Variants in ZNF711 observed in about 807,000 individuals in gnomAD.
ZNF711 encodes the protein ZFX family zinc finger ZNF711, also known as zinc finger protein 711.
ZNF711 carries 3 observed loss-of-function variants against 43.5 expected under a neutral mutation model. That is an observed-to-expected ratio of 0.07 (90% CI 0.03 to 0.18). The LOEUF (loss-of-function observed/expected upper bound fraction) is 0.18, where lower values mean the gene tolerates loss of function less well. ZNF711 is among the 10% of genes least tolerant of loss of function. The pLI is 1.00. For synonymous variants in ZNF711, 209 were observed against 207.7 expected, an observed-to-expected ratio of 1.01 and a Z score of -0.06; for missense variants, 412 against 604.0, an observed-to-expected ratio of 0.68 and a Z score of 3.33.
At chrX:85,248,209 C>A (rs1162582839) in intron 4 of ZNF711, among the ~76,000 whole-genome samples, 1 of 106,213 alleles carries the variant, frequency 9.4e-6, no homozygotes, top group Non-Finnish European at 1.9e-5. Flanking sequence ...GTGGCTCATG[C>A]CTGTAATCCC....
chrX:85,271,888 C>T lies in ZNF711; in HGVS notation c.*60C>T. 1 of 932,748 alleles carries T rather than the reference C, an allele frequency of 1.1e-6. No homozygotes were observed. The allele number at this position is 932,748 out of a possible 1,213,427, so 76.9% of individuals were successfully genotyped here. Reference sequence around the variant, plus strand: ...ATATGATATGCTACTTGGGAGAAAACTCTCACTAACTGTCTCACCGGGTTT... The same window carrying T: ...ATATGATATGCTACTTGGGAGAAAATTCTCACTAACTGTCTCACCGGGTTT... On this transcript the variant is annotated 3_prime_UTR_variant, in exon 11 of 11. Transcript: ENST00000674551.
Position 85,267,331 on chromosome X carries a change from GA to G in ZNF711, c.972del (p.Gly325GlufsTer51). ...CATGGAAGTCATTGTAGGGGAAGAG[GA>G]AGGAACTTCTCTCCCTGAGATTCAG... ...VYMEVIVGEE[E>X]GTSLPEIQLE... On this transcript the variant is annotated frameshift_variant, in exon 8 of 11. Coordinates refer to ENST00000674551, the MANE Select transcript of ZNF711 (RefSeq NM_001330574.2). LOFTEE classifies it high-confidence loss of function. 2 of 1,145,066 alleles carry G rather than the reference GA, an allele frequency of 1.7e-6. No individual in the cohort carries two copies. The highest frequency in any genetic ancestry group is 2.3e-6 in the Non-Finnish European group (2 of 866,516). 94.4% of individuals were successfully genotyped at this position (1,145,066 alleles called of 1,213,427 possible). A position where few individuals can be genotyped will look rare whatever the true frequency, so the allele number is the denominator to read the frequency against.
In ZNF711 at chrX:85,270,904, A is replaced by C. The variant is rs773235352; in HGVS notation, c.1500A>C (p.Arg500Ser). The C allele has an allele frequency of 8.3e-7, 1 of 1,210,880 alleles. No homozygotes were observed. ...ATGAATTTACAGAATACACACGAAGATACAGAGAGGCTAGTCCACTGAGTT... is the reference window on the plus strand; with the variant it reads ...ATGAATTTACAGAATACACACGAAGCTACAGAGAGGCTAGTCCACTGAGTT... The part of the protein sequence containing the change: ...KTHEFTEYTR[R>S]YREASPLSSN... The change falls in exon 11 of 11, where the codon AGA becomes AGC. Residue 500 changes from arginine (R) to serine (S), a missense_variant. Physicochemically the swap from Arg to Ser is moderately radical, Grantham distance 110. Coordinates refer to ENST00000674551, the MANE Select transcript of ZNF711 (RefSeq NM_001330574.2).
Position 85,247,477 on chromosome X carries a change from A to AT in ZNF711, c.-26-63dup, listed in dbSNP as rs769268413. On this transcript the variant is annotated intron_variant, in intron 3 of 10. Coordinates refer to ENST00000674551, the MANE Select transcript of ZNF711 (RefSeq NM_001330574.2). ...GGTTGAAAGGCATATTGTCAATTGCATTTTTTTCTCAAAACAACTAACTTT... is the reference window on the plus strand; with the variant it reads ...GGTTGAAAGGCATATTGTCAATTGCATTTTTTTTCTCAAAACAACTAACTTT... 62 of 763,013 alleles carry AT rather than the reference A, an allele frequency of 8.1e-5. No homozygotes were observed. The Admixed American group carries it at 9.6e-4, about 12-fold the overall frequency. 62.9% of individuals were successfully genotyped at this position (763,013 alleles called of 1,213,427 possible). A position where few individuals can be genotyped will look rare whatever the true frequency, so the allele number is the denominator to read the frequency against.
chrX:85,257,044 A>G (rs942539686), intron 5 of ZNF711, among the ~76,000 whole-genome samples: 2 of 111,808 alleles, frequency 1.8e-5, no homozygotes, highest in Admixed American at 1.9e-4. Flanking sequence ...TTTAGATGTC[A>G]TGTATTGTGA....
rs746649683 is a variant in ZNF711 at position 85,255,746 on chromosome X, A to AGAT, written c.584_586dup (p.Asp195dup). ...GTTCTACAGTTACTATAAAAACCGA[A>AGAT]GATGATGATGATGATGATGTCAAGA... is the stretch of plus-strand genomic sequence containing the variant. On this transcript the variant is annotated inframe_insertion, in exon 5 of 11. Coordinates refer to ENST00000674551, the MANE Select transcript of ZNF711 (RefSeq NM_001330574.2). 73 of 1,208,361 alleles carry AGAT rather than the reference A, an allele frequency of 6.0e-5. No homozygotes were observed. Among genetic ancestry groups the AGAT allele is most frequent in the Admixed American group, 1.3e-4 (6 of 45,582 alleles).
At chrX:85,246,429 T>C (rs1487923771) in intron 2 of ZNF711, among the ~76,000 whole-genome samples, 1 of 112,364 alleles carries the variant, frequency 8.9e-6, no homozygotes, top group Non-Finnish European at 1.9e-5. Flanking sequence ...GAAATGGTGA[T>C]AGGGGTTCCT....
intron 4 of ZNF711, among the ~76,000 whole-genome samples, chrX:85,248,180 A>AAAAT (rs1929208614): frequency 1.8e-5 from 2 of 108,463 alleles, no homozygotes; most frequent in African/African-American, 6.7e-5. Flanking sequence ...TTTTAAAAAA[A>AAAAT]AAAAAGAGGC....
At chrX:85,255,066 A>G (rs1929998548) in intron 4 of ZNF711, among the ~76,000 whole-genome samples, 193 bp from the exon 5 acceptor site, 1 of 111,849 alleles carries the variant, frequency 8.9e-6, no homozygotes, top group Non-Finnish European at 1.9e-5. Flanking sequence ...CATCGTTTTC[A>G]CCCAACTCTA....
rs772828408 is a variant in ZNF711 at position 85,246,011 on chromosome X, A to T, written c.-297A>T. The T allele has an allele frequency of 3.4e-3, 376 of 111,915 alleles. 2 individuals are homozygous for T. Among genetic ancestry groups the T allele is most frequent in the African/African-American group, 0.012 (361 of 30,820 alleles). 9.2% of individuals were successfully genotyped at this position (111,915 alleles called of 1,213,427 possible). ...AGAAAATCTACAATTTCTTCGAGAC[A>T]CTCATATAAAGGTGACTAACAAATT... On this transcript the variant is annotated 5_prime_UTR_variant, in exon 2 of 11. Coordinates refer to ENST00000674551, the MANE Select transcript of ZNF711 (RefSeq NM_001330574.2).
intron 1 of ZNF711, 136 bp downstream of exon 1, chrX:85,244,327 T>C (rs1928801739): frequency 8.7e-6 from 1 of 115,490 alleles, no homozygotes; most frequent in Non-Finnish European, 1.8e-5. Context: ...GTCCAGTCCC[T>C]GAGCTTTCCT....
In ZNF711 at chrX:85,271,432, T is replaced by C; in HGVS notation, c.2028T>C (p.Arg676=). 5.0e-6 allele frequency: 6 copies of C among 1,211,298 alleles called. No individual in the cohort carries two copies. The highest frequency in any genetic ancestry group is 6.7e-6 in the Non-Finnish European group (6 of 895,309). ...AGGTCTGTGATAAAGGTTTTCATCG[T>C]CCTTCTGAGCTCAAAAAGCATAGTG... ...KCEVCDKGFH[R]PSELKKHSDI... The change falls in exon 11 of 11, where the codon CGT becomes CGC. Residue 676 remains arginine (R), a synonymous_variant. Transcript: ENST00000674551.
Position 85,255,733 on chromosome X carries a change from C to T in ZNF711, c.554C>T (p.Thr185Ile). Residue 185 changes from threonine (T) to isoleucine (I), a missense_variant, in exon 5 of 11, where the codon ACT becomes ATT. Thr to Ile is a moderately conservative substitution (Grantham distance 89). This residue lies in a region of ZNF711 where 375 missense variants were observed against 514.2 expected (regional missense o/e 0.73). Coordinates refer to ENST00000674551, the MANE Select transcript of ZNF711 (RefSeq NM_001330574.2). ...AAGGVPGSTV[T>I]IKTEDDDDDD... ...GGAGGTGTTCCTGGTTCTACAGTTA[C>T]TATAAAAACCGAAGATGATGATGAT... 8.3e-7 allele frequency: 1 copy of T among 1,210,466 alleles called. No individual in the cohort carries two copies. Among genetic ancestry groups the T allele is most frequent in the Non-Finnish European group, 1.1e-6 (1 of 895,102 alleles).
At chrX:85,253,268 C>A (rs66535744) in intron 4 of ZNF711, among the ~76,000 whole-genome samples, 14,752 of 110,975 alleles carry the variant, frequency 0.13, 729 homozygotes, top group South Asian at 0.18. Context: ...AGTTTTTCCC[C>A]CTAAATCAGG....
At chrX:85,267,074 A>G (rs935770247) in intron 7 of ZNF711, among the ~76,000 whole-genome samples, 1 of 110,458 alleles carries the variant, frequency 9.1e-6, no homozygotes, top group African/African-American at 3.3e-5. Context: ...CTTGGTTCTA[A>G]GAGGAGAATA....
intron 5 of ZNF711, among the ~76,000 whole-genome samples, chrX:85,259,621 T>A (rs1930465804): frequency 9.0e-6 from 1 of 111,068 alleles, no homozygotes; most frequent in Admixed American, 9.6e-5. Context: ...CCTCCTTGGT[T>A]AAATATATTC....
chrX:85,245,512 A>G (rs1428884230), intron 1 of ZNF711, among the ~76,000 whole-genome samples: 1 of 112,788 alleles, frequency 8.9e-6, no homozygotes, highest in African/African-American at 3.2e-5. Context: ...TAATACTTTT[A>G]TAATAGTTGC....
At chrX:85,267,083 T>C (rs1931159201) in intron 7 of ZNF711, among the ~76,000 whole-genome samples, 195 bp from the exon 8 acceptor site, 1 of 110,484 alleles carries the variant, frequency 9.1e-6, no homozygotes, top group African/African-American at 3.3e-5. Context: ...AAGAGGAGAA[T>C]AAGAGTTTTG....
At chrX:85,267,228 A>G in intron 7 of ZNF711, 50 bp from the exon 8 acceptor site, 1 of 961,414 alleles carries the variant, frequency 1.0e-6, no homozygotes, top group East Asian at 3.9e-5. Context: ...ATTTTTACCC[A>G]CTTATTAAAT....
Sources: allele counts gnomAD v4.1 joint callset (sites outside exome capture counted in the v4.1 genomes callset), GRCh38; gene constraint gnomAD v4.1.1; regional missense constraint gnomAD v4.1.1; transcripts MANE v1.5; gene names NCBI Gene and HGNC (gene_info 2026-07-23, HGNC 2026-07-21).